Variants in PIK3C2B observed in about 807,000 individuals in gnomAD.
PIK3C2B encodes the protein phosphatidylinositol 4-phosphate 3-kinase C2 domain-containing subunit beta.
In PIK3C2B, 83 loss-of-function variants were observed where a neutral mutation model predicts 184.3. The observed-to-expected ratio is 0.45, with a 90% confidence interval of 0.38 to 0.54. The LOEUF is 0.54. PIK3C2B is among the 20% of genes least tolerant of loss of function. The probability of loss-of-function intolerance (pLI) is 0.00; values close to 1 mark genes in which losing one functional copy is unlikely to be tolerated. For synonymous variants in PIK3C2B, 779 were observed against 837.6 expected (o/e 0.93, Z 1.21); for missense variants, 1,736 against 2,113.5 (o/e 0.82, Z 3.50).
chr1:204,483,613 G>GA (rs1657363988), intron 1 of PIK3C2B, among the ~76,000 whole-genome samples: 1 of 152,116 alleles, frequency 6.6e-6, no homozygotes, highest in African/African-American at 2.4e-5. Flanking sequence ...TGAAGATTTT[G>GA]AAAAAAGAAA....
intron 3 of PIK3C2B, 144 bp downstream of exon 3, chr1:204,465,075 G>T: frequency 1.5e-6 from 1 of 653,640 alleles, no homozygotes. Flanking sequence ...GCAGACACTT[G>T]TTGTAGGAAG....
chr1:204,446,215 G>C, intron 15 of PIK3C2B, 71 bp from the exon 16 acceptor site: 4 of 1,115,596 alleles, frequency 3.6e-6, no homozygotes, highest in Non-Finnish European at 5.1e-6. Flanking sequence ...CATCAGCCAG[G>C]GGGTGCAGCC....
At chr1:204,436,522 CA>C (rs1019896319) in intron 23 of PIK3C2B, among the ~76,000 whole-genome samples, 21 of 148,980 alleles carry the variant, frequency 1.4e-4, no homozygotes, top group African/African-American at 5.2e-4. Context: ...GACCCTGCCT[CA>C]AAAAAAAAGA....
chr1:204,477,917 T>A (rs989893678), intron 1 of PIK3C2B, among the ~76,000 whole-genome samples: 2 of 152,156 alleles, frequency 1.3e-5, no homozygotes, highest in African/African-American at 4.8e-5. Context: ...ACATAAAGAA[T>A]TCAATCCCCT....
chr1:204,483,966 G>A (rs778307920), intron 1 of PIK3C2B, among the ~76,000 whole-genome samples: 5 of 152,184 alleles, frequency 3.3e-5, no homozygotes, highest in African/African-American at 7.2e-5. Flanking sequence ...GTAAGCATCC[G>A]GCACCAACAG....
intron 26 of PIK3C2B, 62 bp from the exon 27 acceptor site, chr1:204,432,463 G>A: frequency 1.5e-6 from 2 of 1,349,476 alleles, no homozygotes; most frequent in Non-Finnish European, 1.0e-6. Flanking sequence ...GCCTCGACAG[G>A]GGTGTTCCAA....
intron 1 of PIK3C2B, among the ~76,000 whole-genome samples, chr1:204,492,272 T>A (rs1337366500): frequency 6.6e-6 from 1 of 152,152 alleles, no homozygotes; most frequent in Non-Finnish European, 1.5e-5. Context: ...CTCCCCCACC[T>A]CCATTTTACA....
At position 204,449,299 on chromosome 1, in the gene PIK3C2B, A is replaced by G; in HGVS notation, c.2235-3T>C. The G allele has an allele frequency of 6.2e-7, 1 of 1,604,856 alleles. No individual in the cohort carries two copies. The highest frequency in any genetic ancestry group is 1.1e-5 in the South Asian group (1 of 89,240). ...GCTTCCGGCCACAGGTCAGGACCCT[A>G]AGAAGGAGGGAGAGTGGGAAGAGCT... On this transcript the variant is annotated splice_region_variant and splice_polypyrimidine_tract_variant and intron_variant, in intron 13 of 32. Coordinates refer to ENST00000684373, the MANE Select transcript of PIK3C2B (RefSeq NM_001377334.1).
chr1:204,463,063 A>G (rs1655462498), intron 5 of PIK3C2B, among the ~76,000 whole-genome samples: 1 of 152,154 alleles, frequency 6.6e-6, no homozygotes, highest in African/African-American at 2.4e-5. Flanking sequence ...TCTGTCTCAA[A>G]AAAAGAAAGA....
chr1:204,428,293 C>T, intron 29 of PIK3C2B, 73 bp from the exon 30 acceptor site: 1 of 902,702 alleles, frequency 1.1e-6, no homozygotes, highest in Admixed American at 2.1e-5. Flanking sequence ...GGGGACTGTT[C>T]CAGATGTAAA....
intron 14 of PIK3C2B, among the ~76,000 whole-genome samples, chr1:204,448,451 G>GATAAT (rs1356465204): frequency 1.3e-5 from 2 of 152,060 alleles, no homozygotes; most frequent in Non-Finnish European, 2.9e-5. Flanking sequence ...GCATTTTCTA[G>GATAAT]AGTCTGGGCA....
chr1:204,441,543 G>A lies in PIK3C2B; in HGVS notation c.3177C>T (p.Ser1059=), dbSNP rs748075894. 1.2e-6 allele frequency: 2 copies of A among 1,612,606 alleles called. No individual in the cohort carries two copies. Among genetic ancestry groups the A allele is most frequent in the South Asian group, 2.2e-5 (2 of 91,040 alleles). Residue 1059 remains serine, a synonymous_variant, in exon 21 of 33, where the codon TCC becomes TCT. Transcript: ENST00000684373. The stretch of plus-strand genomic sequence containing the variant: ...AGGAGAGTTTGAGGGGGACAGCATT[G>A]GAGTTGAAGTAGGAACAGTCCTGCC... The part of the protein sequence containing the change: ...IVPRDCSYFN[S]NAVPLKLSFQ...
Position 204,427,683 on chromosome 1 carries a change from T to C in PIK3C2B, c.4552A>G (p.Lys1518Glu), listed in dbSNP as rs748853544. The change falls in exon 31 of 33, where the codon AAA becomes GAA. Residue 1518 changes from lysine to glutamate, a missense_variant. Coordinates refer to ENST00000684373, the MANE Select transcript of PIK3C2B (RefSeq NM_001377334.1). ...ATATGCATCACCATGATGAAGAGTT[T>C]ATTGTTTTTGTAGGAGATGGACAGC... ...VKLSISYKNN[K>E]LFIMVMHIRG... The C allele has an allele frequency of 1.2e-6, 2 of 1,613,726 alleles. No homozygotes were observed. The highest frequency in any genetic ancestry group is 1.3e-5 in the African/African-American group (1 of 74,912).
intron 15 of PIK3C2B, among the ~76,000 whole-genome samples, chr1:204,446,639 T>G (rs899464264): frequency 6.6e-6 from 1 of 152,180 alleles, no homozygotes; most frequent in African/African-American, 2.4e-5. Flanking sequence ...AGCTGTCGGC[T>G]TTCAAGGACC....
rs549742799 is a variant in PIK3C2B, at chr1:204,423,434, G to A, written c.*1418C>T. ...CTACACTCCAGCCTGGCGACAGGGC[G>A]AGACTCCGTCTCCAAAAAAAAAAAA... On this transcript the variant is annotated 3_prime_UTR_variant, in exon 33 of 33. Coordinates refer to ENST00000684373, the MANE Select transcript of PIK3C2B (RefSeq NM_001377334.1). 45 of 144,076 alleles carry A rather than the reference G, an allele frequency of 3.1e-4. No homozygotes were observed. Among genetic ancestry groups the A allele is most frequent in the Middle Eastern group, 3.6e-3 (1 of 280 alleles). 8.9% of individuals were successfully genotyped at this position (144,076 alleles called of 1,614,324 possible).
At chr1:204,430,525 T>TAG (rs1342547411) in intron 28 of PIK3C2B, among the ~76,000 whole-genome samples, 1 of 150,518 alleles carries the variant, frequency 6.6e-6, no homozygotes, top group Non-Finnish European at 1.5e-5. Flanking sequence ...TTTGTATTTT[T>TAG]AGTAGAGGGG....
intron 21 of PIK3C2B, among the ~76,000 whole-genome samples, chr1:204,440,703 T>G (rs1024751791): frequency 6.6e-6 from 1 of 150,894 alleles, no homozygotes; most frequent in Non-Finnish European, 1.5e-5. Context: ...TTCAAGTGAT[T>G]CTCATGCCTC....
chr1:204,474,359 C>A (rs116000522), intron 1 of PIK3C2B, among the ~76,000 whole-genome samples: 2,657 of 152,228 alleles, frequency 0.017, 88 homozygotes, highest in African/African-American at 0.058. Flanking sequence ...ATGGACTACA[C>A]CTGATGTTTC....
Position 204,440,244 on chromosome 1 carries a change from C to T in PIK3C2B, c.3327G>A (p.Gly1109=). 1.2e-6 allele frequency: 2 copies of T among 1,612,148 alleles called. No individual in the cohort carries two copies. Among genetic ancestry groups the T allele is most frequent in the Non-Finnish European group, 1.7e-6 (2 of 1,178,970 alleles). ...RIMSKIWVQE[G]LDMRMVIFRC... is the part of the protein sequence containing the mutation. The stretch of plus-strand genomic sequence containing the variant: ...GGAAGATGACCATGCGCATGTCCAG[C>T]CCCTCCTGGACCCAGATCTTGCTCA... Residue 1109 remains glycine, a synonymous_variant, in exon 22 of 33, where the codon GGG becomes GGA. Transcript: ENST00000684373.
Sources: gnomAD v4.1 joint callset for allele counts (sites outside exome capture counted in the v4.1 genomes callset) on GRCh38, gnomAD v4.1.1 for gene constraint, MANE v1.5 for transcripts, NCBI Gene and HGNC (gene_info 2026-07-23, HGNC 2026-07-21) for gene names.